MYO18A: variants seen among roughly 807,000 people sequenced by gnomAD.
MYO18A encodes the protein myosin XVIIIA, also known as unconventional myosin-XVIIIa.
A neutral mutation model predicts 235.8 loss-of-function variants in MYO18A; 78 were observed. The ratio of observed to expected loss-of-function variants is 0.33; its 90% CI spans 0.28 to 0.40. The LOEUF is 0.40. Among genes scored for constraint, MYO18A ranks in the 10% least tolerant of loss-of-function variants. MYO18A has a pLI of 1.00. For synonymous variants in MYO18A, 977 were observed against 1,077.8 expected (o/e 0.91, Z 1.83); for missense variants, 2,215 against 2,699.3 (o/e 0.82, Z 3.98).
At chr17:29,096,208 C>T (rs869718) in intron 28 of MYO18A, among the ~76,000 whole-genome samples, 61,113 of 152,052 alleles carry the variant, frequency 0.4, 13,265 homozygotes, top group East Asian at 0.84. Flanking sequence ...CTCCCCAGGG[C>T]GCCCTGCTGT....
In MYO18A at chr17:29,171,849, T is replaced by C. The variant is rs2068411277; in HGVS notation, c.-81-4828A>G. Among the ~76,000 whole-genome samples the C allele has an allele frequency of 5.3e-5, 8 of 150,488 alleles. No homozygotes were observed. In the South Asian group the frequency reaches 1.7e-3, roughly 32 times the overall value. Reference sequence around the variant, plus strand: ...TCGAGGCTACATTGAGCCACGATCATGCCATTGCATTCCAGCCTGGGTAAC... The same window carrying C: ...TCGAGGCTACATTGAGCCACGATCACGCCATTGCATTCCAGCCTGGGTAAC... On this transcript the variant is annotated intron_variant, in intron 1 of 41. Coordinates refer to ENST00000527372, the MANE Select transcript of MYO18A (RefSeq NM_078471.4).
Position 29,107,116 on chromosome 17 carries a change from T to C in MYO18A, c.3405A>G (p.Lys1135=). 1 of 1,613,990 alleles carries C rather than the reference T, an allele frequency of 6.2e-7. No individual in the cohort carries two copies. Among genetic ancestry groups the C allele is most frequent in the Non-Finnish European group, 8.5e-7 (1 of 1,179,862 alleles). The stretch of plus-strand genomic sequence containing the variant: ...CCACCACGATGTAGTTACGCCCGTG[T>C]TTCTTGGTCAGGTGCGGGGCCAGGA... The part of the protein sequence containing the change: ...FDVLAPHLTK[K]HGRNYIVVDE... Residue 1135 remains lysine (K), a synonymous_variant, in exon 20 of 42, where the codon AAA becomes AAG. Transcript: ENST00000527372.
chr17:29,089,868 C>CG, intron 37 of MYO18A, 93 bp downstream of exon 37: 1 of 1,532,814 alleles, frequency 6.5e-7, no homozygotes, highest in Non-Finnish European at 8.8e-7. Context: ...GAGGACTGTC[C>CG]GGGGGCCTGT....
chr17:29,099,472 A>G (rs2066603164), intron 22 of MYO18A, among the ~76,000 whole-genome samples, 162 bp downstream of exon 22: 1 of 151,918 alleles, frequency 6.6e-6, no homozygotes, highest in African/African-American at 2.4e-5. Flanking sequence ...TGGGCACACC[A>G]GCACACTTGC....
At chr17:29,163,842 C>T (rs1002682776) in intron 2 of MYO18A, among the ~76,000 whole-genome samples, 2 of 152,240 alleles carry the variant, frequency 1.3e-5, no homozygotes, top group African/African-American at 4.8e-5. Context: ...TTAAAAGCAG[C>T]GTTAGCCTGG....
rs554481783 is a variant in MYO18A, at chr17:29,149,043, C to T, written c.999+16899G>A. Among the ~76,000 whole-genome samples, 8 of 152,332 alleles carry T rather than the reference C, an allele frequency of 5.3e-5. No individual in the cohort carries two copies. The East Asian group carries it at 1.5e-3, about 29-fold the overall frequency. On this transcript the variant is annotated intron_variant, in intron 2 of 41. Coordinates refer to ENST00000527372, the MANE Select transcript of MYO18A (RefSeq NM_078471.4). ...GCTGGCGCCCAGCAGAGGGTGGCAGCCCCCTTCTCATCTACCCTCCCGCTT... is the reference window on the plus strand; with the variant it reads ...GCTGGCGCCCAGCAGAGGGTGGCAGTCCCCTTCTCATCTACCCTCCCGCTT...
At chr17:29,159,339 C>T (rs574444720) in intron 2 of MYO18A, among the ~76,000 whole-genome samples, 2 of 152,160 alleles carry the variant, frequency 1.3e-5, no homozygotes, top group African/African-American at 4.8e-5. Context: ...CCTTCATTAC[C>T]TAAAGGACTT....
At chr17:29,134,227 C>T (rs142693294) in intron 2 of MYO18A, among the ~76,000 whole-genome samples, 67 of 151,258 alleles carry the variant, frequency 4.4e-4, no homozygotes, top group African/African-American at 1.3e-3. Context: ...TCAGCCTCCC[C>T]GGCACCAACA....
At chr17:29,122,118 T>C (rs1308126775) in intron 3 of MYO18A, 48 bp downstream of exon 3, 1 of 1,584,590 alleles carries the variant, frequency 6.3e-7, no homozygotes, top group Non-Finnish European at 8.6e-7. Flanking sequence ...TGCCCAGCCC[T>C]GAGACCAGTG....
intron 7 of MYO18A, among the ~76,000 whole-genome samples, chr17:29,119,953 G>T (rs2067158736): frequency 6.6e-6 from 1 of 152,066 alleles, no homozygotes; most frequent in Non-Finnish European, 1.5e-5. Context: ...ACAGCTCGCT[G>T]CAGCCTTAAC....
rs1006760798 is a variant in MYO18A at position 29,109,545 on chromosome 17, T to C, written c.3331+313A>G. ...TTTGCTGCTGTGGGCAAAGCTGAAC[T>C]GTCCAAACTAGGGACGTGGGAAGAA... is the stretch of plus-strand genomic sequence containing the variant. On this transcript the variant is annotated intron_variant, in intron 19 of 41. Transcript: ENST00000527372. The surrounding 1 kb of genome is among the most constrained non-coding windows in gnomAD (Gnocchi z 4.1). 3.9e-5 allele frequency among the ~76,000 whole-genome samples: 6 copies of C among 152,138 alleles called. No individual in the cohort carries two copies. Among genetic ancestry groups the C allele is most frequent in the Non-Finnish European group, 5.9e-5 (4 of 68,026 alleles).
intron 2 of MYO18A, among the ~76,000 whole-genome samples, chr17:29,164,670 G>C (rs2068242452): frequency 6.6e-6 from 1 of 152,216 alleles, no homozygotes; most frequent in Non-Finnish European, 1.5e-5. Context: ...ACCCACAGCT[G>C]GGAAGGGAAG....
chr17:29,107,966 A>T (rs549790754), intron 19 of MYO18A, among the ~76,000 whole-genome samples: 17 of 150,994 alleles, frequency 1.1e-4, no homozygotes, highest in Non-Finnish European at 2.2e-4. Flanking sequence ...GGAATCGCGC[A>T]TTGGCTAGGT....
chr17:29,126,299 AGGAGGAGGGACGG>A lies in MYO18A; in HGVS notation c.1000-4059_1000-4047del, dbSNP rs202025668. Among the ~76,000 whole-genome samples the A allele has an allele frequency of 0.59, 87,052 of 147,352 alleles. 26,374 individuals are homozygous for A. Among genetic ancestry groups the A allele is most frequent in the East Asian group, 0.89 (4,372 of 4,914 alleles). ...CAGCTCCCATCTCCTCCCTTGTGAG[AGGAGGAGGGACGG>A]GGAGGAGGGACGGGGAGGAGGGAGG... On this transcript the variant is annotated intron_variant, in intron 2 of 41. Coordinates refer to ENST00000527372, the MANE Select transcript of MYO18A (RefSeq NM_078471.4). The surrounding 1 kb of genome is among the most constrained non-coding windows in gnomAD (Gnocchi z 4.1).
chr17:29,113,340 C>A (rs970762209), intron 15 of MYO18A, among the ~76,000 whole-genome samples: 3 of 152,218 alleles, frequency 2.0e-5, no homozygotes, highest in African/African-American at 7.2e-5. Flanking sequence ...CAATAAAGCA[C>A]CTTATGCAAT....
chr17:29,125,913 C>G lies in MYO18A; in HGVS notation c.1000-3660G>C. 4 of 985,888 alleles carry G rather than the reference C, an allele frequency of 4.1e-6. No individual in the cohort carries two copies. The highest frequency in any genetic ancestry group is 4.8e-6 in the Non-Finnish European group (4 of 829,954). The allele number at this position is 985,888 out of a possible 1,614,324, so 61.1% of individuals were successfully genotyped here. A position where few individuals can be genotyped will look rare whatever the true frequency, so the allele number is the denominator to read the frequency against. The stretch of plus-strand genomic sequence containing the variant: ...ATTACAGAAGCTGTGAAGATCCTCT[C>G]CAGCCGCTGGTGGGCCTCTTCCACG... On this transcript the variant is annotated intron_variant, in intron 2 of 41. Transcript: ENST00000527372. This position sits in a 1 kb window ranked among gnomAD's most constrained non-coding sequence, Gnocchi z 5.1.
Position 29,090,111 on chromosome 17 carries a change from G to A in MYO18A, c.5389-13C>T, listed in dbSNP as rs201423742. 433 of 1,608,014 alleles carry A rather than the reference G, an allele frequency of 2.7e-4. 2 individuals carry two copies. Among genetic ancestry groups the A allele is most frequent in the Middle Eastern group, 1.6e-4 (1 of 6,070 alleles). On this transcript the variant is annotated splice_polypyrimidine_tract_variant and intron_variant, in intron 36 of 41. Transcript: ENST00000527372. ...GGAGGGCTTGTAGCTAGAGGTGGGG[G>A]ACAGGAAGAGAAGAAAGAACTGAGC...
At chr17:29,124,235 G>A (rs2067266335) in intron 2 of MYO18A, among the ~76,000 whole-genome samples, 1 of 152,046 alleles carries the variant, frequency 6.6e-6, no homozygotes, top group African/African-American at 2.4e-5. Context: ...TTCTCACATT[G>A]GCCAGGAGGT....
intron 19 of MYO18A, among the ~76,000 whole-genome samples, chr17:29,107,966 A>G (rs549790754): frequency 6.6e-6 from 1 of 150,994 alleles, no homozygotes; most frequent in African/African-American, 2.4e-5. Flanking sequence ...GGAATCGCGC[A>G]TTGGCTAGGT....
Sources: allele counts gnomAD v4.1 joint callset (sites outside exome capture counted in the v4.1 genomes callset), GRCh38; gene constraint gnomAD v4.1.1; non-coding constraint Gnocchi (gnomAD v3.1); transcripts MANE v1.5; gene names NCBI Gene and HGNC (gene_info 2026-07-23, HGNC 2026-07-21).